The following GPR89B variants were observed in gnomAD, a reference collection of about 807,000 sequenced individuals.
GPR89B encodes the protein golgi pH regulator B.
GPR89B carries 25 observed loss-of-function variants against 52.4 expected under a neutral mutation model. That is an observed-to-expected ratio of 0.48 (90% CI 0.35 to 0.67). The LOEUF is 0.67. GPR89B is among the 30% of genes least tolerant of loss of function. The pLI is 0.01. For synonymous variants in GPR89B, 52 were observed against 151.2 expected (o/e 0.34, Z 4.81); for missense variants, 146 against 450.2 (o/e 0.32, Z 6.11).
intron 3 of GPR89B, among the ~76,000 whole-genome samples, chr1:147,942,293 C>CA (rs1365158140): frequency 0.049 from 6,580 of 134,908 alleles, 186 homozygotes; most frequent in African/African-American, 0.082. Flanking sequence ...TGGCTATAAC[C>CA]AAAAAAAAAA....
At chr1:147,944,391 A>G (rs1287164058) in intron 5 of GPR89B, among the ~76,000 whole-genome samples, 18 of 151,792 alleles carry the variant, frequency 1.2e-4, no homozygotes, top group African/African-American at 4.1e-4. Context: ...TTTGACCTTC[A>G]TTTACTGAAT....
At chr1:147,935,468 A>C (rs1553247711) in intron 1 of GPR89B, among the ~76,000 whole-genome samples, 2 of 152,178 alleles carry the variant, frequency 1.3e-5, no homozygotes, top group African/African-American at 2.4e-5. Context: ...TATGTATAGA[A>C]AGTTCTGTTT....
At chr1:147,970,244 C>G (rs1183555615) in intron 10 of GPR89B, among the ~76,000 whole-genome samples, 3 of 151,804 alleles carry the variant, frequency 2.0e-5, no homozygotes, top group Admixed American at 6.6e-5. Context: ...GCCTATAATC[C>G]CAGCACTTTC....
intron 7 of GPR89B, among the ~76,000 whole-genome samples, chr1:147,954,790 T>C (rs1655997011): frequency 6.6e-6 from 1 of 152,270 alleles, no homozygotes; most frequent in African/African-American, 2.4e-5. Flanking sequence ...TTTGTTTAAT[T>C]TTTTAAATTG....
intron 5 of GPR89B, among the ~76,000 whole-genome samples, chr1:147,947,691 G>A (rs1279322553): frequency 1.3e-5 from 2 of 152,100 alleles, no homozygotes; most frequent in Non-Finnish European, 2.9e-5. Flanking sequence ...AAGGAATAAA[G>A]GTAGAGGGGG....
intron 3 of GPR89B, 48 bp from the exon 4 acceptor site, chr1:147,943,390 T>G: frequency 6.3e-7 from 1 of 1,598,334 alleles, no homozygotes; most frequent in Non-Finnish European, 8.5e-7. Flanking sequence ...AGAAAGAAAG[T>G]TGCTGCCCTC....
the GPR89B span, among the ~76,000 whole-genome samples, chr1:148,006,841 C>G: frequency 6.6e-6 from 1 of 151,006 alleles, no homozygotes; most frequent in African/African-American, 2.4e-5. Flanking sequence ...CTCAGCCTCT[C>G]GAGTAGCTGG....
At chr1:147,990,370 TGC>T (rs1658970409) in intron 12 of GPR89B, among the ~76,000 whole-genome samples, 1 of 152,226 alleles carries the variant, frequency 6.6e-6, no homozygotes, top group Admixed American at 6.5e-5. Context: ...ATAAGTAGAT[TGC>T]AAAAATTTTC....
At chr1:147,962,710 A>T (rs1656687851) in intron 7 of GPR89B, among the ~76,000 whole-genome samples, 1 of 151,772 alleles carries the variant, frequency 6.6e-6, no homozygotes, top group African/African-American at 2.4e-5. Context: ...TAGACCGGTG[A>T]ACATGGTGAA....
intron 10 of GPR89B, among the ~76,000 whole-genome samples, chr1:147,983,948 C>G (rs1456381919): frequency 2.0e-5 from 3 of 151,942 alleles, no homozygotes; most frequent in Non-Finnish European, 4.4e-5. Flanking sequence ...CAATGATAGA[C>G]TGGATTCAGA....
At position 147,929,838 on chromosome 1, in the gene GPR89B, T is replaced by C. The variant is rs141466131; in HGVS notation, c.42+1260T>C. ...ACCTTTTCTATAGTTTTCATAAGTA[T>C]TGTTTTTATTGGCTGCATAGTATTC... On this transcript the variant is annotated intron_variant, in intron 1 of 13. Transcript: ENST00000314163. Among the ~76,000 whole-genome samples the C allele has an allele frequency of 5.4e-3, 819 of 152,288 alleles. 8 individuals are homozygous for C. The highest frequency in any genetic ancestry group is 0.019 in the African/African-American group (777 of 41,554).
intron 10 of GPR89B, among the ~76,000 whole-genome samples, chr1:147,982,567 G>T (rs1217272008): frequency 7.6e-6 from 1 of 132,284 alleles, no homozygotes; most frequent in Non-Finnish European, 1.6e-5. Context: ...AGTATAGTTT[G>T]AAGTCAGGTA....
At chr1:147,951,587 G>C (rs1655700415) in intron 5 of GPR89B, among the ~76,000 whole-genome samples, 1 of 151,828 alleles carries the variant, frequency 6.6e-6, no homozygotes, top group East Asian at 1.9e-4. Context: ...GAAAGAACTA[G>C]CAAAGAAGGA....
At chr1:147,932,605 A>T (rs4950499) in intron 1 of GPR89B, among the ~76,000 whole-genome samples, 2 of 152,124 alleles carry the variant, frequency 1.3e-5, no homozygotes, top group African/African-American at 2.4e-5. Flanking sequence ...GCAGATAACC[A>T]TGCCTCGTAC....
intron 1 of GPR89B, 68 bp downstream of exon 1, chr1:147,928,646 C>T (rs191737588): frequency 6.3e-7 from 1 of 1,598,754 alleles, no homozygotes; most frequent in Non-Finnish European, 8.6e-7. Context: ...TCCGGTCCTC[C>T]GCGGTGCGGG....
At chr1:147,948,793 G>C (rs1315737419) in intron 5 of GPR89B, among the ~76,000 whole-genome samples, 1 of 146,650 alleles carries the variant, frequency 6.8e-6, no homozygotes, top group East Asian at 2.0e-4. Context: ...GATCATTCTT[G>C]GGTGTTTCTC....
At chr1:148,011,521 G>C in the GPR89B span, 1 of 152,436 alleles carries the variant, frequency 6.6e-6, no homozygotes. Context: ...AAGAAGTAAA[G>C]GTCTGGGAAG....
chr1:148,019,644 G>A, the GPR89B span, among the ~76,000 whole-genome samples: 5 of 152,110 alleles, frequency 3.3e-5, no homozygotes, highest in East Asian at 1.9e-4. Context: ...CAAAAAGAAC[G>A]GTGCAAATCT....
chr1:147,984,740 G>A (rs1258963866), intron 10 of GPR89B, among the ~76,000 whole-genome samples: 2 of 147,906 alleles, frequency 1.4e-5, no homozygotes, highest in African/African-American at 2.5e-5. Flanking sequence ...ATGCTTTCGA[G>A]TTTCCCTTTG....
Sources: allele counts gnomAD v4.1 joint callset (sites outside exome capture counted in the v4.1 genomes callset), GRCh38; gene constraint gnomAD v4.1.1; transcripts MANE v1.5; gene names NCBI Gene and HGNC (gene_info 2026-07-23, HGNC 2026-07-21).